C1orf167: variants seen among roughly 807,000 people sequenced by gnomAD.
C1orf167 encodes uncharacterized protein C1orf167.
A neutral mutation model predicts 176.5 loss-of-function variants in C1orf167; 153 were observed. The ratio of observed to expected loss-of-function variants is 0.87; its 90% CI spans 0.76 to 0.99. The LOEUF (loss-of-function observed/expected upper bound fraction) is 0.99. Among genes scored for constraint, C1orf167 ranks in the 50% least tolerant of loss-of-function variants. C1orf167 has a pLI of 0.00. For missense variants in C1orf167, 1,490 were observed against 1,817.7 expected, an observed-to-expected ratio of 0.82 and a Z score of 3.28; for synonymous variants, 594 against 752.7, an observed-to-expected ratio of 0.79 and a Z score of 3.45.
Position 11,766,034 on chromosome 1 carries a change from G to A in C1orf167, c.248G>A (p.Gly83Asp), listed in dbSNP as rs1642776166. Residue 83 changes from glycine (G) to aspartate (D), a missense_variant, in exon 3 of 21, where the codon GGC becomes GAC. Coordinates refer to ENST00000688073, the MANE Select transcript of C1orf167 (RefSeq NM_001010881.2). This position sits in a 1 kb window ranked among gnomAD's most constrained non-coding sequence, Gnocchi z 4.5. ...TNLASPGPRL[G>D]LALKDTTGQL... The stretch of plus-strand genomic sequence containing the variant: ...CTGGCCAGCCCTGGTCCCCGCCTGG[G>A]CCTAGCTCTGAAGGACACGACTGGC... The A allele has an allele frequency of 1.6e-6, 2 of 1,289,744 alleles. No homozygotes were observed. Among genetic ancestry groups the A allele is most frequent in the Admixed American group, 2.3e-5 (1 of 43,542 alleles). The allele number at this position is 1,289,744 out of a possible 1,614,324, so 79.9% of individuals were successfully genotyped here.
Position 11,769,066 on chromosome 1 carries a change from C to T in C1orf167, c.1636C>T (p.Leu546Phe), listed in dbSNP as rs964134331. The T allele has an allele frequency of 3.0e-6, 3 of 985,898 alleles. No individual in the cohort carries two copies. The highest frequency in any genetic ancestry group is 3.6e-6 in the Non-Finnish European group (3 of 829,964). 61.1% of individuals were successfully genotyped at this position (985,898 alleles called of 1,614,324 possible). A position where few individuals can be genotyped will look rare whatever the true frequency, so the allele number is the denominator to read the frequency against. The change falls in exon 6 of 21, where the codon CTC becomes TTC. Residue 546 changes from leucine to phenylalanine, a missense_variant. Leu to Phe is a conservative substitution (Grantham distance 22). Transcript: ENST00000688073. ...CTCCAGGAGAGCCCAGGGCAAAGGC[C>T]TCTCCTTGGGAAGAAGCACAGTGGT... Reference protein sequence around the residue: ...PPSRRAQGKGLSLGRSTVVDP... With the variant: ...PPSRRAQGKGFSLGRSTVVDP...
chr1:11,768,479 C>T lies in C1orf167; in HGVS notation c.1542+204C>T, dbSNP rs557034162. ...TGCCCCCTCTACCACTTTCTAGCTG[C>T]GTGACCTTGGGCAAGTTACCTAACC... On this transcript the variant is annotated intron_variant, in intron 5 of 20. Coordinates refer to ENST00000688073, the MANE Select transcript of C1orf167 (RefSeq NM_001010881.2). The surrounding 1 kb of genome is among the most constrained non-coding windows in gnomAD (Gnocchi z 4.5). 2.6e-5 allele frequency among the ~76,000 whole-genome samples: 4 copies of T among 152,318 alleles called. No individual in the cohort carries two copies. Among genetic ancestry groups the T allele is most frequent in the South Asian group, 2.1e-4 (1 of 4,828 alleles).
At position 11,778,827 on chromosome 1, in the gene C1orf167, G is replaced by GGAGGGTGGGGA. The variant is rs1217026236; in HGVS notation, c.2496+13_2496+23dup. The GGAGGGTGGGGA allele has an allele frequency of 1.5e-6, 2 of 1,297,916 alleles. No individual in the cohort carries two copies. Among genetic ancestry groups the GGAGGGTGGGGA allele is most frequent in the Admixed American group, 4.6e-5 (2 of 43,426 alleles). The allele number at this position is 1,297,916 out of a possible 1,614,324, so 80.4% of individuals were successfully genotyped here. A position where few individuals can be genotyped will look rare whatever the true frequency, so the allele number is the denominator to read the frequency against. ...GACTCTCTGGAGAAGGTGAGAGGTA[G>GGAGGGTGGGGA]GAGGGTGGGGAGGGGCTGGGGCAGG... On this transcript the variant is annotated intron_variant, in intron 11 of 20. Transcript: ENST00000688073.
At position 11,787,923 on chromosome 1, in the gene C1orf167, C is replaced by G; in HGVS notation, c.3724C>G (p.Pro1242Ala). 1 of 1,300,914 alleles carries G rather than the reference C, an allele frequency of 7.7e-7. No individual in the cohort carries two copies. The highest frequency in any genetic ancestry group is 1.0e-6 in the Non-Finnish European group (1 of 987,062). 80.6% of individuals were successfully genotyped at this position (1,300,914 alleles called of 1,614,324 possible). A position where few individuals can be genotyped will look rare whatever the true frequency, so the allele number is the denominator to read the frequency against. Residue 1242 changes from proline to alanine, a missense_variant, in exon 18 of 21, where the codon CCT (proline) becomes GCT (alanine). Pro to Ala is a conservative substitution (Grantham distance 27). Transcript: ENST00000688073. ...TGCCTTCCAGCTCTGGCCACAGTGG[C>G]CTGGACAGAGTAGCTGGGTCCCAGG... ...CPAFQLWPQW[P>A]GQSSWVPGLP...
Position 11,788,036 on chromosome 1 carries a change from A to G in C1orf167, c.3837A>G (p.Lys1279=). ...RACKAQSKAH[K]RRLRARSCRI... ...GCAAAGCCCAAAGCAAGGCCCATAA[A>G]CGGAGGCTACGGTAAGAGGAGCTGT... Residue 1279 remains lysine, a synonymous_variant, in exon 18 of 21, where the codon AAA becomes AAG. Coordinates refer to ENST00000688073, the MANE Select transcript of C1orf167 (RefSeq NM_001010881.2). 7.7e-7 allele frequency: 1 copy of G among 1,296,798 alleles called. No homozygotes were observed. Among genetic ancestry groups the G allele is most frequent in the Non-Finnish European group, 1.0e-6 (1 of 984,742 alleles). 80.3% of individuals were successfully genotyped at this position (1,296,798 alleles called of 1,614,324 possible).
intron 16 of C1orf167, 35 bp downstream of exon 16, chr1:11,785,324 G>A (rs1421557324): frequency 8.0e-7 from 1 of 1,247,466 alleles, no homozygotes; most frequent in South Asian, 1.3e-5. Flanking sequence ...CTCACGCTCT[G>A]GCCCCGGATG....
At chr1:11,771,004 A>G (rs573289582) in intron 6 of C1orf167, among the ~76,000 whole-genome samples, 7,039 of 108,724 alleles carry the variant, frequency 0.065, 237 homozygotes, top group Middle Eastern at 0.14. Flanking sequence ...GTGTGTGTAT[A>G]TATCACCTCT....
At position 11,787,511 on chromosome 1, in the gene C1orf167, C is replaced by G. The variant is rs369313497; in HGVS notation, c.3673+18C>G. 78 of 1,288,286 alleles carry G rather than the reference C, an allele frequency of 6.1e-5. 2 individuals are homozygous for G. The Admixed American group carries it at 1.5e-3, about 25-fold the overall frequency. The allele number at this position is 1,288,286 out of a possible 1,614,324, so 79.8% of individuals were successfully genotyped here. On this transcript the variant is annotated intron_variant, in intron 17 of 20. Transcript: ENST00000688073. Reference sequence around the variant, plus strand: ...GGCTCAGAGTAAGGAGACCTTGCCCCGGGGGACAAACGGTGTCTGAAGTGC... The same window carrying G: ...GGCTCAGAGTAAGGAGACCTTGCCCGGGGGGACAAACGGTGTCTGAAGTGC...
intron 6 of C1orf167, among the ~76,000 whole-genome samples, chr1:11,770,553 C>T (rs1001006000): frequency 2.0e-5 from 3 of 151,014 alleles, no homozygotes; most frequent in South Asian, 2.1e-4. Context: ...AAGCGATTCT[C>T]CCGCCTCAGG....
intron 1 of C1orf167, among the ~76,000 whole-genome samples, chr1:11,762,886 C>T (rs1045613276): frequency 6.6e-6 from 1 of 152,172 alleles, no homozygotes; most frequent in Non-Finnish European, 1.5e-5. Context: ...CTAATTTCTT[C>T]ACTATGTTAG....
rs1166993382 is a variant in C1orf167 at position 11,766,575 on chromosome 1, C to A, written c.789C>A (p.Pro263=). The A allele has an allele frequency of 7.9e-7, 1 of 1,261,460 alleles. No individual in the cohort carries two copies. Among genetic ancestry groups the A allele is most frequent in the African/African-American group, 1.5e-5 (1 of 65,516 alleles). The allele number at this position is 1,261,460 out of a possible 1,614,324, so 78.1% of individuals were successfully genotyped here. The stretch of plus-strand genomic sequence containing the variant: ...GGTGCCAGGCTCCCCAGGAACCCCC[C>A]GGTGCTGTGCAGCAGGACCTCTGGA... The part of the protein sequence containing the change: ...RLRCQAPQEP[P]GAVQQDLWTG... The change falls in exon 3 of 21, where the codon CCC becomes CCA. Residue 263 remains proline (P), a synonymous_variant. Transcript: ENST00000688073. This position sits in a 1 kb window ranked among gnomAD's most constrained non-coding sequence, Gnocchi z 4.5.
chr1:11,785,076 G>A, intron 15 of C1orf167, 72 bp from the exon 16 acceptor site: 1 of 1,178,738 alleles, frequency 8.5e-7, no homozygotes, highest in Non-Finnish European at 1.1e-6. Context: ...CTCCCGCAGG[G>A]CACTGGGGGG....
chr1:11,765,600 TC>T (rs1642753115), intron 2 of C1orf167, among the ~76,000 whole-genome samples: 2 of 151,834 alleles, frequency 1.3e-5, no homozygotes, highest in South Asian at 4.1e-4. Context: ...GTCATCTCTC[TC>T]CTGGGACCCC....
In C1orf167 at chr1:11,772,247, C is replaced by G; in HGVS notation, c.1976C>G (p.Ala659Gly). The G allele has an allele frequency of 1.5e-6, 2 of 1,303,300 alleles. No homozygotes were observed. Among genetic ancestry groups the G allele is most frequent in the Non-Finnish European group, 2.0e-6 (2 of 988,640 alleles). The allele number at this position is 1,303,300 out of a possible 1,614,324, so 80.7% of individuals were successfully genotyped here. A position where few individuals can be genotyped will look rare whatever the true frequency, so the allele number is the denominator to read the frequency against. The stretch of plus-strand genomic sequence containing the variant: ...CCACTGAGCCCCCAGCACCAGAGAG[C>G]TTGGCTGTGCAGGTAGGATGCCCTT... ...VAPLSPQHQR[A>G]WLCRCFGAWQ... Residue 659 changes from alanine (A) to glycine (G), a missense_variant, in exon 8 of 21, where the codon GCT becomes GGT. Physicochemically the swap from Ala to Gly is moderately conservative, Grantham distance 60 (BLOSUM62 0). Coordinates refer to ENST00000688073, the MANE Select transcript of C1orf167 (RefSeq NM_001010881.2).
At position 11,767,099 on chromosome 1, in the gene C1orf167, G is replaced by T. The variant is rs1371408097; in HGVS notation, c.1299+14G>T. On this transcript the variant is annotated intron_variant, in intron 3 of 20. Transcript: ENST00000688073. Reference sequence around the variant, plus strand: ...AGTGCGTCGAAGGTAGAGGCCCGGGGAGGCTGGAGGTGGGGTAGGGGGTAG... The same window carrying T: ...AGTGCGTCGAAGGTAGAGGCCCGGGTAGGCTGGAGGTGGGGTAGGGGGTAG... 1.6e-6 allele frequency: 2 copies of T among 1,252,682 alleles called. No homozygotes were observed. Among genetic ancestry groups the T allele is most frequent in the Non-Finnish European group, 2.1e-6 (2 of 968,454 alleles). The allele number at this position is 1,252,682 out of a possible 1,614,324, so 77.6% of individuals were successfully genotyped here. A position where few individuals can be genotyped will look rare whatever the true frequency, so the allele number is the denominator to read the frequency against.
chr1:11,773,649 A>C (rs1389048294), intron 8 of C1orf167, among the ~76,000 whole-genome samples: 1 of 152,162 alleles, frequency 6.6e-6, no homozygotes, highest in African/African-American at 2.4e-5. Context: ...CAGAGGTTGC[A>C]GTGAGCCGAG....
intron 10 of C1orf167, 67 bp from the exon 11 acceptor site, chr1:11,778,593 C>T (rs1204248956): frequency 1.6e-6 from 2 of 1,218,080 alleles, no homozygotes; most frequent in East Asian, 5.9e-5. Context: ...TAGGGTAGCC[C>T]CTGCTTGGCC....
Position 11,784,156 on chromosome 1 carries a change from A to G in C1orf167, c.3006-18A>G. 1 of 1,216,870 alleles carries G rather than the reference A, an allele frequency of 8.2e-7. No homozygotes were observed. The highest frequency in any genetic ancestry group is 2.3e-4 in the Middle Eastern group (1 of 4,278). The allele number at this position is 1,216,870 out of a possible 1,614,324, so 75.4% of individuals were successfully genotyped here. A position where few individuals can be genotyped will look rare whatever the true frequency, so the allele number is the denominator to read the frequency against. On this transcript the variant is annotated intron_variant, in intron 14 of 20. Transcript: ENST00000688073. ...AAGCATGAGCCACCACACCTGGCCC[A>G]ATGTGTCTGTTTTGCAGCTACTTCC...
In C1orf167 at chr1:11,762,257, A is replaced by G. The variant is rs779612927; in HGVS notation, c.-119A>G. On this transcript the variant is annotated 5_prime_UTR_variant, in exon 1 of 21. Transcript: ENST00000688073. The stretch of plus-strand genomic sequence containing the variant: ...TCGTTAGCGGTCCCAGCCCCCGTCT[A>G]GATTCAAATCCGACTGGGTGAAGGA... 33 of 431,100 alleles carry G rather than the reference A, an allele frequency of 7.7e-5. No homozygotes were observed. Among genetic ancestry groups the G allele is most frequent in the African/African-American group, 6.1e-5 (3 of 49,408 alleles). The allele number at this position is 431,100 out of a possible 1,614,324, so 26.7% of individuals were successfully genotyped here.
Sources: allele counts gnomAD v4.1 joint callset (sites outside exome capture counted in the v4.1 genomes callset), GRCh38; gene constraint gnomAD v4.1.1; non-coding constraint Gnocchi (gnomAD v3.1); transcripts MANE v1.5; gene names NCBI Gene and HGNC (gene_info 2026-07-23, HGNC 2026-07-21).